ECD: variants seen among roughly 807,000 people sequenced by gnomAD.
The protein encoded by ECD is protein ecdysoneless homolog.
In ECD, 59 loss-of-function variants were observed where a neutral mutation model predicts 77.2. The ratio of observed to expected loss-of-function variants is 0.76; its 90% CI spans 0.62 to 0.95. ECD has a LOEUF of 0.95. Among genes scored for constraint, ECD ranks in the 40% least tolerant of loss-of-function variants. The pLI, the probability that ECD is intolerant of heterozygous loss-of-function variation, is 0.00. For missense variants in ECD, 704 were observed against 763.4 expected, an observed-to-expected ratio of 0.92 and a Z score of 0.92; for synonymous variants, 233 against 267.4, an observed-to-expected ratio of 0.87 and a Z score of 1.26.
intron 11 of ECD, 21 bp from the exon 12 acceptor site, chr10:73,138,091 G>T (rs1014804357): frequency 1.9e-6 from 3 of 1,544,412 alleles, no homozygotes; most frequent in Admixed American, 4.1e-5. Context: ...AAAGGACAAA[G>T]ACAATTAATT....
chr10:73,139,828 A>T, intron 9 of ECD, 91 bp from the exon 10 acceptor site: 2 of 814,002 alleles, frequency 2.5e-6, no homozygotes, highest in Non-Finnish European at 3.7e-6. Context: ...GGAAGGGATT[A>T]GCTAGTCTAA....
intron 12 of ECD, 150 bp downstream of exon 12, chr10:73,137,853 C>A: frequency 4.2e-6 from 2 of 477,998 alleles, no homozygotes; most frequent in Non-Finnish European, 3.6e-6. Flanking sequence ...CAAAATTATT[C>A]ATGGGTAGTA....
intron 2 of ECD, among the ~76,000 whole-genome samples, chr10:73,161,102 G>A (rs1008314204): frequency 3.3e-5 from 5 of 151,256 alleles, no homozygotes; most frequent in African/African-American, 1.2e-4. Flanking sequence ...GGAATTCAGT[G>A]AAAGCAGTGC....
intron 2 of ECD, among the ~76,000 whole-genome samples, chr10:73,162,147 T>C (rs1843388191): frequency 6.6e-6 from 1 of 152,202 alleles, no homozygotes; most frequent in Admixed American, 6.5e-5. Flanking sequence ...AGTGACACAA[T>C]CAAATTTGTG....
In ECD at chr10:73,152,341, A is replaced by C. The variant is rs1359405131; in HGVS notation, c.864T>G (p.Pro288=). 1 of 1,613,970 alleles carries C rather than the reference A, an allele frequency of 6.2e-7. No homozygotes were observed. Among genetic ancestry groups the C allele is most frequent in the South Asian group, 1.1e-5 (1 of 91,080 alleles). ...CTCGGTACTGGGGATCAGATGGAGG[A>C]GGCAGCCTGTATCCACTCCGCCGGT... ...VPDRRSGYRL[P]PPSDPQYRAH... The change falls in exon 7 of 14, where the codon CCT becomes CCG. Residue 288 remains proline, a synonymous_variant. Transcript: ENST00000372979.
At chr10:73,143,630 T>C (rs1321155044) in intron 9 of ECD, among the ~76,000 whole-genome samples, 2 of 152,150 alleles carry the variant, frequency 1.3e-5, no homozygotes, top group Non-Finnish European at 2.9e-5. Context: ...GTGAAATAAG[T>C]ACATCATGGA....
chr10:73,150,174 A>G (rs1191395184), intron 7 of ECD, among the ~76,000 whole-genome samples: 13 of 152,330 alleles, frequency 8.5e-5, no homozygotes, highest in Admixed American at 5.9e-4. Flanking sequence ...ACCAAAACAG[A>G]GATATAGACT....
intron 2 of ECD, among the ~76,000 whole-genome samples, chr10:73,162,570 T>C (rs1023968315): frequency 5.9e-5 from 9 of 152,190 alleles, no homozygotes; most frequent in African/African-American, 1.4e-4. Flanking sequence ...TATGTAGCAA[T>C]TGTTGCCAAA....
At position 73,152,417 on chromosome 10, in the gene ECD, G is replaced by A; in HGVS notation, c.788C>T (p.Thr263Ile). The A allele has an allele frequency of 6.2e-7, 1 of 1,612,216 alleles. No individual in the cohort carries two copies. The highest frequency in any genetic ancestry group is 2.2e-5 in the East Asian group (1 of 44,778). ...TTGTGCATATAGACATTTAGTGAAT[G>A]TGACCTGGGCATCAAGACACAAAAT... ...LPETRIMTSV[T>I]FTKCLYAQLV... Residue 263 changes from threonine (T) to isoleucine (I), a missense_variant, in exon 7 of 14, where the codon ACA becomes ATA. By Grantham distance (89) the Thr-to-Ile change is moderately conservative (BLOSUM62 -1). Coordinates refer to ENST00000372979, the MANE Select transcript of ECD (RefSeq NM_007265.3).
In ECD at chr10:73,134,684, C is replaced by G. The variant is rs1386559547; in HGVS notation, c.1834G>C (p.Ala612Pro). 1 of 1,614,188 alleles carries G rather than the reference C, an allele frequency of 6.2e-7. No homozygotes were observed. Among genetic ancestry groups the G allele is most frequent in the Non-Finnish European group, 8.5e-7 (1 of 1,180,028 alleles). ...TTGGAAGCAGGTCCTGCCAGTCCAG[C>G]TTGGGAGCTATAGGATTCCAATATA... Reference protein sequence around the residue: ...SNILESYSSQAGLAGPASNLL... With the variant: ...SNILESYSSQPGLAGPASNLL... Residue 612 changes from alanine (A) to proline (P), a missense_variant, in exon 14 of 14, where the codon GCT becomes CCT. This residue lies in a region of ECD where 142 missense variants were observed against 163.6 expected (regional missense o/e 0.87). Transcript: ENST00000372979.
At chr10:73,135,477 G>C (rs1842965230) in intron 13 of ECD, among the ~76,000 whole-genome samples, 1 of 152,100 alleles carries the variant, frequency 6.6e-6, no homozygotes, top group Admixed American at 6.6e-5. Context: ...CCAGCACTTT[G>C]GGAGGCTGAG....
At chr10:73,150,630 C>A (rs1443233047) in intron 7 of ECD, among the ~76,000 whole-genome samples, 1 of 152,138 alleles carries the variant, frequency 6.6e-6, no homozygotes, top group Non-Finnish European at 1.5e-5. Context: ...ACTTATCTAA[C>A]AAAGGGCTAA....
chr10:73,147,283 C>T (rs1400186144), intron 8 of ECD, among the ~76,000 whole-genome samples: 1 of 152,156 alleles, frequency 6.6e-6, no homozygotes, highest in Non-Finnish European at 1.5e-5. Context: ...CACGGTGGCT[C>T]ACGCCTGTAA....
In ECD at chr10:73,163,823, T is replaced by G. The variant is rs775910776; in HGVS notation, c.115A>C (p.Ile39Leu). 1 of 1,614,190 alleles carries G rather than the reference T, an allele frequency of 6.2e-7. No homozygotes were observed. Residue 39 changes from isoleucine (I) to leucine (L), a missense_variant, in exon 2 of 14, where the codon ATT (isoleucine) becomes CTT (leucine). Transcript: ENST00000372979. ...GCAAACCGAGTGATTATTCTCTCAA[T>G]GTACTTCTGAAGAATCTCTTTATGT... ...DKHKEILQKY[I>L]ERIITRFAPM...
At chr10:73,156,697 T>C in intron 3 of ECD, 42 bp from the exon 4 acceptor site, 1 of 1,535,658 alleles carries the variant, frequency 6.5e-7, no homozygotes, top group Non-Finnish European at 9.0e-7. Flanking sequence ...AAAAAGCATA[T>C]ATCTGCTAGT....
intron 7 of ECD, among the ~76,000 whole-genome samples, chr10:73,150,265 A>C (rs6480673): frequency 0.16 from 23,715 of 151,890 alleles, 3,053 homozygotes; most frequent in African/African-American, 0.33. Context: ...CAAAAACAAG[A>C]AATGGGGAAA....
intron 3 of ECD, 39 bp from the exon 4 acceptor site, chr10:73,156,694 A>G (rs755353093): frequency 1.3e-6 from 2 of 1,564,652 alleles, no homozygotes; most frequent in Non-Finnish European, 1.8e-6. Context: ...TTCAAAAAGC[A>G]TATATCTGCT....
Position 73,139,696 on chromosome 10 carries a change from A to G in ECD, c.1169T>C (p.Leu390Ser). 2 of 1,610,522 alleles carry G rather than the reference A, an allele frequency of 1.2e-6. No individual in the cohort carries two copies. The highest frequency in any genetic ancestry group is 1.7e-6 in the Non-Finnish European group (2 of 1,179,112). Residue 390 changes from leucine to serine, a missense_variant, in exon 10 of 14, where the codon TTA (leucine) becomes TCA (serine). Leu to Ser is a moderately radical substitution (Grantham distance 145, BLOSUM62 -2). Around this residue, in one of 3 missense-constraint regions of ECD, gnomAD observed 559 missense variants for 583.7 expected, o/e 0.96. Transcript: ENST00000372979. ...MSPGEEILTL[L>S]QTIPFDIEDL... is the part of the protein sequence containing the mutation. ...TTCTATATCAAATGGTATTGTCTGT[A>G]ATAAGGTTAAGATTTCTTCACCAGG... is the stretch of plus-strand genomic sequence containing the variant.
intron 7 of ECD, among the ~76,000 whole-genome samples, chr10:73,148,896 A>T (rs981370065): frequency 2.6e-5 from 4 of 152,188 alleles, no homozygotes; most frequent in Admixed American, 2.6e-4. Flanking sequence ...GCTAGAGAAC[A>T]CCATTACCAA....
Sources: gnomAD v4.1 joint callset for allele counts (sites outside exome capture counted in the v4.1 genomes callset) on GRCh38, gnomAD v4.1.1 for gene constraint, gnomAD v4.1.1 regional missense constraint, MANE v1.5 for transcripts, NCBI Gene and HGNC (gene_info 2026-07-23, HGNC 2026-07-21) for gene names.